The following EPS8L2 variants were observed in gnomAD, a reference collection of about 807,000 sequenced individuals.
EPS8L2 encodes epidermal growth factor receptor kinase substrate 8-like protein 2.
In EPS8L2, 81 loss-of-function variants were observed where a neutral mutation model predicts 99.4. The observed-to-expected ratio is 0.82, with a 90% CI of 0.68 to 0.98. The LOEUF (loss-of-function observed/expected upper bound fraction) is 0.98. Among genes scored for constraint, EPS8L2 ranks in the 50% least tolerant of loss-of-function variants. The pLI, the probability that EPS8L2 is intolerant of heterozygous loss-of-function variation, is 0.00. For synonymous variants in EPS8L2, 509 were observed against 407.3 expected, an observed-to-expected ratio of 1.25 and a Z score of -3.01; for missense variants, 1,155 against 968.8, an observed-to-expected ratio of 1.19 and a Z score of -2.55.
chr11:719,725 C>T (rs574139514), intron 4 of EPS8L2, among the ~76,000 whole-genome samples: 224 of 152,270 alleles, frequency 1.5e-3, no homozygotes, highest in Non-Finnish European at 2.5e-3. Context: ...ACAGAGGGGA[C>T]GTCTGAGAAG....
At position 709,348 on chromosome 11, in the gene EPS8L2, C is replaced by T; in HGVS notation, c.-60C>T. 3 of 1,538,168 alleles carry T rather than the reference C, an allele frequency of 2.0e-6. No homozygotes were observed. Among genetic ancestry groups the T allele is most frequent in the Non-Finnish European group, 1.8e-6 (2 of 1,137,286 alleles). ...CACCCAGGTGTGGGACAGGCACTGG[C>T]CTCAGACCGGGGCCACACTGAGGTC... On this transcript the variant is annotated 5_prime_UTR_variant, in exon 2 of 21. Transcript: ENST00000318562.
chr11:721,054 C>T lies in EPS8L2; in HGVS notation c.558-10C>T. ...CCGGCGGGGCTGAGCAGGACCCCCTCGCCCTCCAGGGGACACCAGGAGAAG... is the reference window on the plus strand; with the variant it reads ...CCGGCGGGGCTGAGCAGGACCCCCTTGCCCTCCAGGGGACACCAGGAGAAG... On this transcript the variant is annotated splice_polypyrimidine_tract_variant and intron_variant, in intron 7 of 20. Transcript: ENST00000318562. 7.3e-7 allele frequency: 1 copy of T among 1,378,280 alleles called. No homozygotes were observed. The highest frequency in any genetic ancestry group is 1.4e-5 in the South Asian group (1 of 70,294). 85.4% of individuals were successfully genotyped at this position (1,378,280 alleles called of 1,614,324 possible).
Position 709,553 on chromosome 11 carries a change from T to C in EPS8L2, c.45T>C (p.Asn15=), listed in dbSNP as rs1370098738. ...GAVSCCPGAT[N]GSLGRSDGVA... ...TGCCCTGACAGCCCCTCCCCTGCAGTGGCAGCCTGGGCCGGTCCGACGGTG... is the reference window on the plus strand; with the variant it reads ...TGCCCTGACAGCCCCTCCCCTGCAGCGGCAGCCTGGGCCGGTCCGACGGTG... Residue 15 remains asparagine (N), a splice_region_variant and synonymous_variant, in exon 3 of 21, where the codon AAT becomes AAC. Transcript: ENST00000318562. 1 of 1,611,814 alleles carries C rather than the reference T, an allele frequency of 6.2e-7. No homozygotes were observed. The highest frequency in any genetic ancestry group is 1.1e-5 in the South Asian group (1 of 91,000).
chr11:720,702 C>G lies in EPS8L2; in HGVS notation c.433C>G (p.Gln145Glu), dbSNP rs767384396. The G allele has an allele frequency of 1.3e-6, 2 of 1,595,636 alleles. No individual in the cohort carries two copies. Among genetic ancestry groups the G allele is most frequent in the South Asian group, 2.3e-5 (2 of 87,994 alleles). The change falls in exon 6 of 21, where the codon CAG becomes GAG. Residue 145 changes from glutamine to glutamate, a missense_variant. Coordinates refer to ENST00000318562, the MANE Select transcript of EPS8L2 (RefSeq NM_022772.4). ...GCTGCTCGTGTGCCAGGACTCGGAG[C>G]AGAGCAAGCCGGATGTCCACTTCTT... ...VLLLVCQDSE[Q>E]SKPDVHFFHC...
At chr11:722,605 G>T in intron 13 of EPS8L2, 56 bp downstream of exon 13, 2 of 1,609,860 alleles carry the variant, frequency 1.2e-6, no homozygotes, top group South Asian at 2.2e-5. Flanking sequence ...CTGCATGGGG[G>T]CCAGCAAGGG....
At chr11:715,746 A>G (rs545248087) in intron 4 of EPS8L2, among the ~76,000 whole-genome samples, 82 of 144,372 alleles carry the variant, frequency 5.7e-4, no homozygotes, top group Non-Finnish European at 7.4e-4. Context: ...TCAGCCTCCC[A>G]AGTAGCTGGG....
intron 1 of EPS8L2, among the ~76,000 whole-genome samples, chr11:707,430 C>T (rs890650689): frequency 6.6e-6 from 1 of 152,172 alleles, no homozygotes; most frequent in Non-Finnish European, 1.5e-5. Flanking sequence ...GGAACTTGAA[C>T]TTGGAGCCCG....
intron 4 of EPS8L2, among the ~76,000 whole-genome samples, chr11:719,823 G>A (rs1394835587): frequency 6.6e-6 from 1 of 152,162 alleles, no homozygotes; most frequent in African/African-American, 2.4e-5. Flanking sequence ...ATGGTGGCGC[G>A]GGGCCGGGCA....
chr11:717,648 G>T (rs1862054591), intron 4 of EPS8L2, among the ~76,000 whole-genome samples: 1 of 152,164 alleles, frequency 6.6e-6, no homozygotes, highest in African/African-American at 2.4e-5. Flanking sequence ...GGAGGCACAG[G>T]CAGGAGGATC....
Position 710,428 on chromosome 11 carries a change from G to A in EPS8L2, c.107G>A (p.Arg36Lys). 6.2e-7 allele frequency: 1 copy of A among 1,613,624 alleles called. No homozygotes were observed. The highest frequency in any genetic ancestry group is 8.5e-7 in the Non-Finnish European group (1 of 1,179,936). ...CTGGTGTCTCCCGGTTCAGAGCAGA[G>A]GAAGAAGTATTCCAACTCCAACGTC... ...KMSPKDLFEQRKKYSNSNVIM... is the reference protein window; with the variant it reads ...KMSPKDLFEQKKKYSNSNVIM... Residue 36 changes from arginine (R) to lysine (K), a missense_variant, in exon 4 of 21, where the codon AGG becomes AAG. Arg to Lys is a conservative substitution (Grantham distance 26). Coordinates refer to ENST00000318562, the MANE Select transcript of EPS8L2 (RefSeq NM_022772.4).
intron 3 of EPS8L2, chr11:710,108 C>G (rs1861845004): frequency 2.5e-6 from 1 of 396,444 alleles, no homozygotes. Flanking sequence ...AGAAGCCGGG[C>G]TGGGACCCCC....
At chr11:725,914 C>T (rs1292799783) in intron 17 of EPS8L2, 67 bp downstream of exon 17, 10 of 1,381,128 alleles carry the variant, frequency 7.2e-6, no homozygotes, top group South Asian at 1.6e-5. Context: ...CTGCGCCTAG[C>T]CCCGCCCCAA....
At chr11:726,795 C>T (rs769453476) in intron 20 of EPS8L2, 44 bp downstream of exon 20, 10 of 1,578,146 alleles carry the variant, frequency 6.3e-6, no homozygotes, top group South Asian at 1.2e-5. Context: ...CCTGCCCCTG[C>T]GCCCTCCTCT....
In EPS8L2 at chr11:724,419, C is replaced by T. The variant is rs1166155215; in HGVS notation, c.1455-305C>T. ...CCCAGGAACGCCCCTGGCTCTGGTTCCCCTGGGGTGCCGGACTGGAGACCC... is the reference window on the plus strand; with the variant it reads ...CCCAGGAACGCCCCTGGCTCTGGTTTCCCTGGGGTGCCGGACTGGAGACCC... On this transcript the variant is annotated intron_variant, in intron 15 of 20. Transcript: ENST00000318562. This position sits in a 1 kb window ranked among gnomAD's most constrained non-coding sequence, Gnocchi z 5.5. 2 of 397,904 alleles carry T rather than the reference C, an allele frequency of 5.0e-6. No homozygotes were observed. The highest frequency in any genetic ancestry group is 9.3e-6 in the Non-Finnish European group (2 of 214,724). 24.6% of individuals were successfully genotyped at this position (397,904 alleles called of 1,614,324 possible).
At chr11:725,952 G>A in intron 17 of EPS8L2, 105 bp downstream of exon 17, 1 of 1,363,724 alleles carries the variant, frequency 7.3e-7, no homozygotes, top group Non-Finnish European at 9.6e-7. Context: ...GAGAGACTGG[G>A]GCAGGTGCAG....
rs754672482 is a variant in EPS8L2 at position 726,986 on chromosome 11, A to G, written c.*5A>G. ...AGGAGGGGGGAGGACAGCTAGGCCC[A>G]GCTGCCTTGGGCTGGGGCCTGCGGA... On this transcript the variant is annotated 3_prime_UTR_variant, in exon 21 of 21. Coordinates refer to ENST00000318562, the MANE Select transcript of EPS8L2 (RefSeq NM_022772.4). The G allele has an allele frequency of 2.5e-6, 4 of 1,609,946 alleles. No homozygotes were observed. The South Asian group carries it at 3.3e-5, about 13-fold the overall frequency.
intron 4 of EPS8L2, among the ~76,000 whole-genome samples, chr11:717,055 CA>C (rs1862043750): frequency 6.6e-6 from 1 of 152,206 alleles, no homozygotes; most frequent in Admixed American, 6.5e-5. Context: ...CGGCTCACTG[CA>C]ATCTCTACCT....
At chr11:725,625 G>C in intron 16 of EPS8L2, 103 bp from the exon 17 acceptor site, 1 of 1,126,924 alleles carries the variant, frequency 8.9e-7, no homozygotes, top group Non-Finnish European at 1.1e-6. Context: ...GCGGGGCTCC[G>C]GGAGACCCTA....
chr11:723,475 T>TA (rs1176361135), intron 15 of EPS8L2, 122 bp downstream of exon 15: 1 of 453,920 alleles, frequency 2.2e-6, no homozygotes, highest in Non-Finnish European at 4.0e-6. Flanking sequence ...TGGTTTAAAA[T>TA]ACTTTTCCAG....
Sources: gnomAD v4.1 joint callset for allele counts (sites outside exome capture counted in the v4.1 genomes callset) on GRCh38, gnomAD v4.1.1 for gene constraint, Gnocchi (gnomAD v3.1) non-coding constraint, MANE v1.5 for transcripts, NCBI Gene and HGNC (gene_info 2026-07-23, HGNC 2026-07-21) for gene names.